NRXN3: variants seen among roughly 807,000 people sequenced by gnomAD.
The protein encoded by NRXN3 is neurexin III.
A neutral mutation model predicts 137.6 loss-of-function variants in NRXN3; 32 were observed. That is an observed-to-expected ratio of 0.23 (90% CI 0.18 to 0.31). The LOEUF is 0.31. Among genes scored for constraint, NRXN3 ranks in the 10% least tolerant of loss-of-function variants. The pLI is 1.00. For missense variants in NRXN3, 1,574 were observed against 2,062.5 expected (o/e 0.76, Z 4.59); for synonymous variants, 798 against 784.5 (o/e 1.02, Z -0.29).
chr14:78,225,640 A>C (rs1460752611), intron 1 of NRXN3, among the ~76,000 whole-genome samples: 1 of 152,188 alleles, frequency 6.6e-6, no homozygotes, highest in Non-Finnish European at 1.5e-5. Flanking sequence ...TTTTCCAACA[A>C]GACTTTTTAG....
At chr14:79,696,571 C>T (rs1230031331) in intron 18 of NRXN3, among the ~76,000 whole-genome samples, 1 of 151,806 alleles carries the variant, frequency 6.6e-6, no homozygotes, top group Non-Finnish European at 1.5e-5. Flanking sequence ...TTTTAAAAAG[C>T]TCTTACTTTG....
At chr14:79,816,468 C>A (rs2099251684) in intron 20 of NRXN3, among the ~76,000 whole-genome samples, 1 of 152,184 alleles carries the variant, frequency 6.6e-6, no homozygotes. Flanking sequence ...CTCCTGATTA[C>A]TCTGTTTGTA....
chr14:78,983,703 A>G (rs2099495407), intron 14 of NRXN3, among the ~76,000 whole-genome samples: 1 of 151,792 alleles, frequency 6.6e-6, no homozygotes, highest in Non-Finnish European at 1.5e-5. Context: ...CTAAAAATAC[A>G]AAAATTAGCC....
At chr14:79,194,200 G>C (rs2064821586) in intron 15 of NRXN3, among the ~76,000 whole-genome samples, 1 of 152,148 alleles carries the variant, frequency 6.6e-6, no homozygotes, top group Admixed American at 6.5e-5. Flanking sequence ...CATTTTCCCA[G>C]GATTCCTCTC....
At chr14:78,279,063 G>A (rs10137705) in intron 3 of NRXN3, among the ~76,000 whole-genome samples, 8,572 of 152,152 alleles carry the variant, frequency 0.056, 523 homozygotes, top group African/African-American at 0.15. Context: ...TATGACATAC[G>A]TAGCATGGAA....
intron 4 of NRXN3, among the ~76,000 whole-genome samples, chr14:78,379,517 T>C (rs1435914259): frequency 1.3e-5 from 2 of 152,188 alleles, no homozygotes; most frequent in Non-Finnish European, 2.9e-5. Context: ...AATCATGTGA[T>C]TATATCAATT....
intron 4 of NRXN3, among the ~76,000 whole-genome samples, chr14:78,456,843 TTCTTTCTTTCTTTTTC>T (rs1567644870): frequency 7.5e-6 from 1 of 133,124 alleles, no homozygotes; most frequent in African/African-American, 2.5e-5. Context: ...CTTTCTTTCT[TTCTTTCTTTCTTTTTC>T]TCTTTCTTTC....
rs2098740529 is a variant in NRXN3, at chr14:79,697,687, A to C, written c.3764A>C (p.Lys1255Thr). ...QAQIAIGGKDKGRLFQGQLSG... is the reference protein window; with the variant it reads ...QAQIAIGGKDTGRLFQGQLSG... ...CAAATAGCCATTGGTGGAAAGGACAAAGGACGCCTCTTCCAAGGCCAACTC... is the reference window on the plus strand; with the variant it reads ...CAAATAGCCATTGGTGGAAAGGACACAGGACGCCTCTTCCAAGGCCAACTC... Residue 1255 changes from lysine to threonine, a missense_variant, in exon 19 of 21, where the codon AAA becomes ACA. By Grantham distance (78) the Lys-to-Thr change is moderately conservative. Transcript: ENST00000335750. 12 of 1,613,036 alleles carry C rather than the reference A, an allele frequency of 7.4e-6. No homozygotes were observed. Among genetic ancestry groups the C allele is most frequent in the Non-Finnish European group, 9.3e-6 (11 of 1,179,320 alleles).
chr14:78,472,146 G>A (rs552818993), intron 4 of NRXN3, among the ~76,000 whole-genome samples: 6 of 152,306 alleles, frequency 3.9e-5, no homozygotes, highest in African/African-American at 1.4e-4. Flanking sequence ...TACTGTTTGA[G>A]GCCTAAGTTC....
intron 15 of NRXN3, among the ~76,000 whole-genome samples, chr14:79,146,355 G>A (rs1249791352): frequency 6.6e-6 from 1 of 152,122 alleles, no homozygotes; most frequent in Non-Finnish European, 1.5e-5. Flanking sequence ...GGCTCTTAAG[G>A]AATCCTCTGG....
At chr14:78,308,241 G>A (rs920623821) in intron 4 of NRXN3, among the ~76,000 whole-genome samples, 1 of 152,146 alleles carries the variant, frequency 6.6e-6, no homozygotes, top group Non-Finnish European at 1.5e-5. Context: ...GCCTATTTAA[G>A]AGTGAAAGAA....
At chr14:78,989,151 T>A (rs2099513393) in intron 15 of NRXN3, among the ~76,000 whole-genome samples, 1 of 152,214 alleles carries the variant, frequency 6.6e-6, no homozygotes, top group Non-Finnish European at 1.5e-5. Context: ...CAGCCTTTGT[T>A]TTATAATCCA....
chr14:78,556,307 G>T (rs571495704), intron 4 of NRXN3, among the ~76,000 whole-genome samples: 28 of 152,258 alleles, frequency 1.8e-4, no homozygotes, highest in Admixed American at 1.8e-3. Context: ...AATAATACTG[G>T]TATAGATGGC....
At chr14:78,368,691 A>C (rs576142410) in intron 4 of NRXN3, among the ~76,000 whole-genome samples, 1 of 152,200 alleles carries the variant, frequency 6.6e-6, no homozygotes, top group Non-Finnish European at 1.5e-5. Flanking sequence ...GCAAAGATCC[A>C]TCTCAAAGAA....
At chr14:78,346,704 C>T (rs2082783240) in intron 4 of NRXN3, among the ~76,000 whole-genome samples, 2 of 152,206 alleles carry the variant, frequency 1.3e-5, no homozygotes, top group Non-Finnish European at 2.9e-5. Flanking sequence ...TCAGATAACT[C>T]TGCCCAAACC....
At chr14:79,433,578 TG>T (rs1567114242) in intron 15 of NRXN3, among the ~76,000 whole-genome samples, 1 of 151,924 alleles carries the variant, frequency 6.6e-6, no homozygotes, top group African/African-American at 2.4e-5. Context: ...GTATTCCAGA[TG>T]AAAAAGAAAA....
At chr14:78,559,640 C>T (rs897131869) in intron 4 of NRXN3, among the ~76,000 whole-genome samples, 12 of 151,244 alleles carry the variant, frequency 7.9e-5, no homozygotes, top group African/African-American at 3.0e-4. Flanking sequence ...TCTAAACTGT[C>T]TCTATTCTTG....
chr14:78,960,930 G>T (rs909485148), intron 11 of NRXN3, among the ~76,000 whole-genome samples: 2 of 151,880 alleles, frequency 1.3e-5, no homozygotes, highest in Non-Finnish European at 2.9e-5. Context: ...ATGAAATGGA[G>T]TTCTTTATTG....
intron 4 of NRXN3, among the ~76,000 whole-genome samples, chr14:78,334,728 C>G (rs929742079): frequency 6.6e-6 from 1 of 152,082 alleles, no homozygotes; most frequent in Non-Finnish European, 1.5e-5. Flanking sequence ...GAGAGGGAAA[C>G]TTTGTTAATT....
Sources: gnomAD v4.1 joint callset for allele counts (sites outside exome capture counted in the v4.1 genomes callset) on GRCh38, gnomAD v4.1.1 for gene constraint, MANE v1.5 for transcripts, NCBI Gene and HGNC (gene_info 2026-07-23, HGNC 2026-07-21) for gene names.